GAN: variants seen among roughly 807,000 people sequenced by gnomAD.
The protein encoded by GAN is epididymis secretory sperm binding protein.
GAN carries 48 observed loss-of-function variants against 71.3 expected under a neutral mutation model. That is an observed-to-expected ratio of 0.67 (90% CI 0.53 to 0.86). The LOEUF (loss-of-function observed/expected upper bound fraction) is 0.86, where lower values mean the gene tolerates loss of function less well. Among genes scored for constraint, GAN ranks in the 40% least tolerant of loss-of-function variants. GAN has a pLI of 0.00. For missense variants in GAN, 928 were observed against 770.1 expected (o/e 1.21, Z -2.43); for synonymous variants, 386 against 276.8 (o/e 1.39, Z -3.92).
Position 81,388,856 on chromosome 16 carries a change from A to G in GAN, c.*11260A>G, listed in dbSNP as rs1904482384. ...TCGGAAACTAGAACTGCTTGTTTCC[A>G]GGAGAGACCACCTTTTCATATTTTT... On this transcript the variant is annotated 3_prime_UTR_variant, in exon 11 of 11. Coordinates refer to ENST00000648994, the MANE Select transcript of GAN (RefSeq NM_022041.4). The G allele has an allele frequency of 1.3e-5, 2 of 152,268 alleles. No homozygotes were observed. Among genetic ancestry groups the G allele is most frequent in the African/African-American group, 4.8e-5 (2 of 41,476 alleles). The allele number at this position is 152,268 out of a possible 1,614,324, so 9.4% of individuals were successfully genotyped here. A position where few individuals can be genotyped will look rare whatever the true frequency, so the allele number is the denominator to read the frequency against.
chr16:81,358,407 G>A (rs1345696829), intron 5 of GAN, among the ~76,000 whole-genome samples: 3 of 152,108 alleles, frequency 2.0e-5, no homozygotes, highest in East Asian at 1.9e-4. Flanking sequence ...AGGAGTTCAA[G>A]ACCAGCCTGG....
At position 81,377,693 on chromosome 16, in the gene GAN, C is replaced by A; in HGVS notation, c.*97C>A. 1.8e-6 allele frequency: 2 copies of A among 1,102,374 alleles called. No homozygotes were observed. The highest frequency in any genetic ancestry group is 2.8e-6 in the Non-Finnish European group (2 of 715,650). The allele number at this position is 1,102,374 out of a possible 1,614,324, so 68.3% of individuals were successfully genotyped here. A position where few individuals can be genotyped will look rare whatever the true frequency, so the allele number is the denominator to read the frequency against. ...GATGGCAGCTGAAACTCACTCTGTGCTGGGCTTTGGTATGGTAACTCTTTG... is the reference window on the plus strand; with the variant it reads ...GATGGCAGCTGAAACTCACTCTGTGATGGGCTTTGGTATGGTAACTCTTTG... On this transcript the variant is annotated 3_prime_UTR_variant, in exon 11 of 11. Coordinates refer to ENST00000648994, the MANE Select transcript of GAN (RefSeq NM_022041.4).
chr16:81,347,307 A>C (rs549838931), intron 1 of GAN, among the ~76,000 whole-genome samples: 2 of 152,206 alleles, frequency 1.3e-5, no homozygotes, highest in African/African-American at 2.4e-5. Context: ...GGAGGAAAGA[A>C]AGTTGTCTAA....
At chr16:81,362,799 G>C (rs1910720784) in intron 6 of GAN, among the ~76,000 whole-genome samples, 188 bp downstream of exon 6, 1 of 152,082 alleles carries the variant, frequency 6.6e-6, no homozygotes. Context: ...TGGCCTCCAT[G>C]AGTTTCTGAA....
At chr16:81,369,938 C>G (rs1910983962) in intron 9 of GAN, among the ~76,000 whole-genome samples, 1 of 152,306 alleles carries the variant, frequency 6.6e-6, no homozygotes, top group East Asian at 1.9e-4. Context: ...ATACTGATCC[C>G]AAATTCTTTC....
rs1451694704 is a variant in GAN, at chr16:81,315,391, G to T, written c.167+111G>T. The stretch of plus-strand genomic sequence containing the variant: ...CCTGTCCCCTGTCCCCGGCGCCGGG[G>T]TCCCCGCGTCACCGTTGGCGCGGCG... On this transcript the variant is annotated intron_variant, in intron 1 of 10. Transcript: ENST00000648994. 8 of 701,750 alleles carry T rather than the reference G, an allele frequency of 1.1e-5. No homozygotes were observed. The African/African-American group carries it at 1.5e-4, about 13-fold the overall frequency. The allele number at this position is 701,750 out of a possible 1,614,324, so 43.5% of individuals were successfully genotyped here. A position where few individuals can be genotyped will look rare whatever the true frequency, so the allele number is the denominator to read the frequency against.
intron 1 of GAN, among the ~76,000 whole-genome samples, chr16:81,327,185 C>T (rs997215484): frequency 3.9e-5 from 6 of 152,174 alleles, no homozygotes; most frequent in Non-Finnish European, 5.9e-5. Flanking sequence ...GATGAGAGAG[C>T]GTTTTGTCCC....
At chr16:81,334,476 G>A (rs1909688498) in intron 1 of GAN, among the ~76,000 whole-genome samples, 1 of 152,206 alleles carries the variant, frequency 6.6e-6, no homozygotes, top group South Asian at 2.1e-4. Flanking sequence ...CAGGGCACAT[G>A]TGGTATTGAG....
chr16:81,334,415 C>A (rs1027074006), intron 1 of GAN, among the ~76,000 whole-genome samples: 7 of 152,160 alleles, frequency 4.6e-5, no homozygotes, highest in African/African-American at 1.7e-4. Flanking sequence ...CTTGATTTTC[C>A]TGAAACCTTT....
At position 81,383,883 on chromosome 16, in the gene GAN, C is replaced by T. The variant is rs1402609905; in HGVS notation, c.*6287C>T. ...TCCCAAACGGAGGTTCATCTGTCTTCTGGTTGGTGAATTATATTTATTAGG... is the reference window on the plus strand; with the variant it reads ...TCCCAAACGGAGGTTCATCTGTCTTTTGGTTGGTGAATTATATTTATTAGG... On this transcript the variant is annotated 3_prime_UTR_variant, in exon 11 of 11. Transcript: ENST00000648994. 1 of 152,026 alleles carries T rather than the reference C, an allele frequency of 6.6e-6. No homozygotes were observed. The highest frequency in any genetic ancestry group is 1.5e-5 in the Non-Finnish European group (1 of 68,010). 9.4% of individuals were successfully genotyped at this position (152,026 alleles called of 1,614,324 possible).
rs1904340860 is a variant in GAN, at chr16:81,384,325, A to G, written c.*6729A>G. 1 of 152,044 alleles carries G rather than the reference A, an allele frequency of 6.6e-6. No homozygotes were observed. Among genetic ancestry groups the G allele is most frequent in the Admixed American group, 6.6e-5 (1 of 15,264 alleles). 9.4% of individuals were successfully genotyped at this position (152,044 alleles called of 1,614,324 possible). A position where few individuals can be genotyped will look rare whatever the true frequency, so the allele number is the denominator to read the frequency against. On this transcript the variant is annotated 3_prime_UTR_variant, in exon 11 of 11. Transcript: ENST00000648994. ...TAAAAAAAAAAAAAAAAGAAAAGAA[A>G]AAAAAGCACTTACAACCAGGAGGAA... is the stretch of plus-strand genomic sequence containing the variant.
rs1211870108 is a variant in GAN at position 81,376,493 on chromosome 16, GTGTGTGTGTGTGTGTGTA to G, written c.1503-714_1503-697del. Among the ~76,000 whole-genome samples, 492 of 147,976 alleles carry G rather than the reference GTGTGTGTGTGTGTGTGTA, an allele frequency of 3.3e-3. 2 individuals carry two copies. Among genetic ancestry groups the G allele is most frequent in the African/African-American group, 0.012 (461 of 38,922 alleles). ...TGTGTGTGTGTGTGTGTGTGTGTGT[GTGTGTGTGTGTGTGTGTA>G]TGTGTGTGTGTATACATATATGTGT... On this transcript the variant is annotated intron_variant, in intron 9 of 10. Transcript: ENST00000648994.
chr16:81,348,632 T>C (rs1160925643), intron 1 of GAN, among the ~76,000 whole-genome samples: 2 of 152,204 alleles, frequency 1.3e-5, no homozygotes, highest in Admixed American at 1.3e-4. Context: ...CGCCTCTGTT[T>C]AGCCCAGAGT....
intron 1 of GAN, among the ~76,000 whole-genome samples, chr16:81,336,845 C>T (rs372910536): frequency 1.3e-5 from 2 of 152,214 alleles, no homozygotes; most frequent in African/African-American, 2.4e-5. Context: ...TATCCCCTTT[C>T]CCCCATCCCT....
rs75566155 is a variant in GAN at position 81,388,034 on chromosome 16, G to C, written c.*10438G>C. 1 of 152,176 alleles carries C rather than the reference G, an allele frequency of 6.6e-6. No homozygotes were observed. Among genetic ancestry groups the C allele is most frequent in the South Asian group, 2.1e-4 (1 of 4,830 alleles). 9.4% of individuals were successfully genotyped at this position (152,176 alleles called of 1,614,324 possible). A position where few individuals can be genotyped will look rare whatever the true frequency, so the allele number is the denominator to read the frequency against. On this transcript the variant is annotated 3_prime_UTR_variant, in exon 11 of 11. Transcript: ENST00000648994. ...CTGTGGCTCCCCATGGACACTGCTAGGTGGAATCTCTGAGAAAACAGGCAC... is the reference window on the plus strand; with the variant it reads ...CTGTGGCTCCCCATGGACACTGCTACGTGGAATCTCTGAGAAAACAGGCAC...
rs146295709 is a variant in GAN, at chr16:81,344,355, C to G, written c.168-7228C>G. Among the ~76,000 whole-genome samples the G allele has an allele frequency of 7.4e-3, 1,124 of 152,278 alleles. 7 individuals carry two copies. Among genetic ancestry groups the G allele is most frequent in the Middle Eastern group, 0.02 (6 of 294 alleles). ...ACAAAGTCAGGAGGCATCACGCTACCTGACTTCAAACTTTACTACAAGGCT... is the reference window on the plus strand; with the variant it reads ...ACAAAGTCAGGAGGCATCACGCTACGTGACTTCAAACTTTACTACAAGGCT... On this transcript the variant is annotated intron_variant, in intron 1 of 10. Coordinates refer to ENST00000648994, the MANE Select transcript of GAN (RefSeq NM_022041.4).
At chr16:81,360,677 C>T (rs547938188) in intron 5 of GAN, among the ~76,000 whole-genome samples, 4 of 151,896 alleles carry the variant, frequency 2.6e-5, no homozygotes, top group East Asian at 1.9e-4. Flanking sequence ...TTCCCTGTTA[C>T]CTGGAGTTAT....
intron 1 of GAN, among the ~76,000 whole-genome samples, chr16:81,335,189 C>T (rs1909714623): frequency 6.6e-6 from 1 of 151,618 alleles, no homozygotes; most frequent in African/African-American, 2.4e-5. Flanking sequence ...GAGGTCAGGA[C>T]AAGCTGGGAA....
At chr16:81,364,820 C>T (rs1041187086) in intron 7 of GAN, among the ~76,000 whole-genome samples, 154 bp from the exon 8 acceptor site, 4 of 152,152 alleles carry the variant, frequency 2.6e-5, no homozygotes, top group Non-Finnish European at 4.4e-5. Context: ...TTTTAAAGTC[C>T]GGTGTTGTAA....
Sources: allele counts gnomAD v4.1 joint callset (sites outside exome capture counted in the v4.1 genomes callset), GRCh38; gene constraint gnomAD v4.1.1; transcripts MANE v1.5; gene names NCBI Gene and HGNC (gene_info 2026-07-23, HGNC 2026-07-21).